The following MMP20 variants were observed in gnomAD, a reference collection of about 807,000 sequenced individuals.
MMP20 encodes matrix metallopeptidase 20.
MMP20 carries 50 observed loss-of-function variants against 51.8 expected under a neutral mutation model. That is an observed-to-expected ratio of 0.97 (90% CI 0.77 to 1.22). The LOEUF is 1.22. Ranked by LOEUF, MMP20 falls within the 50% of genes most tolerant of loss-of-function variation. The pLI is 0.00. For synonymous variants in MMP20, 244 were observed against 216.2 expected (o/e 1.13, Z -1.13); for missense variants, 663 against 601.4 (o/e 1.10, Z -1.07).
intron 8 of MMP20, among the ~76,000 whole-genome samples, chr11:102,581,749 T>G (rs1859198445): frequency 6.6e-6 from 1 of 152,138 alleles, no homozygotes; most frequent in Non-Finnish European, 1.5e-5. Flanking sequence ...AAATACCTAC[T>G]TCTCAAGATT....
chr11:102,587,105 G>C (rs1859263533), intron 8 of MMP20, among the ~76,000 whole-genome samples: 1 of 151,766 alleles, frequency 6.6e-6, no homozygotes, highest in Non-Finnish European at 1.5e-5. Flanking sequence ...TTTTTTCTCT[G>C]AGTGCTGCTT....
At chr11:102,587,850 T>A (rs1237956335) in intron 8 of MMP20, among the ~76,000 whole-genome samples, 1 of 152,184 alleles carries the variant, frequency 6.6e-6, no homozygotes, top group Non-Finnish European at 1.5e-5. Flanking sequence ...CTAAAATGTA[T>A]CTGCTGTAGA....
chr11:102,621,334 C>T (rs1175712047), intron 1 of MMP20, among the ~76,000 whole-genome samples: 2 of 152,252 alleles, frequency 1.3e-5, no homozygotes, highest in Non-Finnish European at 2.9e-5. Context: ...GGCTGCAGCA[C>T]AGCCATGTTC....
chr11:102,612,566 C>G (rs935825808), intron 2 of MMP20, among the ~76,000 whole-genome samples: 1 of 152,056 alleles, frequency 6.6e-6, no homozygotes, highest in African/African-American at 2.4e-5. Flanking sequence ...GAGAGGACCT[C>G]TTTTTCCCCA....
chr11:102,584,026 A>G (rs999430451), intron 8 of MMP20, among the ~76,000 whole-genome samples: 6 of 152,186 alleles, frequency 3.9e-5, no homozygotes, highest in Admixed American at 3.9e-4. Flanking sequence ...TATCCATTCA[A>G]CACTTGATGG....
chr11:102,588,966 C>G (rs1859283586), intron 8 of MMP20, among the ~76,000 whole-genome samples: 1 of 152,214 alleles, frequency 6.6e-6, no homozygotes, highest in South Asian at 2.1e-4. Flanking sequence ...CCCTCTAATT[C>G]AGTCACATTG....
intron 1 of MMP20, among the ~76,000 whole-genome samples, chr11:102,620,574 G>C (rs1442471832): frequency 6.6e-6 from 1 of 152,178 alleles, no homozygotes; most frequent in Non-Finnish European, 1.5e-5. Context: ...GTATCTGACA[G>C]ATAAAAGTAC....
chr11:102,614,304 G>A (rs1287356632), intron 2 of MMP20, among the ~76,000 whole-genome samples: 1 of 152,176 alleles, frequency 6.6e-6, no homozygotes, highest in East Asian at 1.9e-4. Flanking sequence ...AGCTACACAG[G>A]CAGAGTACTG....
At chr11:102,591,052 T>C (rs1035298301) in intron 8 of MMP20, among the ~76,000 whole-genome samples, 1 of 152,238 alleles carries the variant, frequency 6.6e-6, no homozygotes, top group Non-Finnish European at 1.5e-5. Flanking sequence ...GGGTCTCTGA[T>C]ACTAGTGGCT....
chr11:102,610,760 T>G (rs1274650327), intron 3 of MMP20, among the ~76,000 whole-genome samples: 1 of 145,646 alleles, frequency 6.9e-6, no homozygotes, highest in African/African-American at 2.5e-5. Flanking sequence ...TTTTAGTTTG[T>G]TTTTTTTTTT....
chr11:102,619,226 T>C (rs1859716377), intron 1 of MMP20, among the ~76,000 whole-genome samples: 1 of 152,166 alleles, frequency 6.6e-6, no homozygotes, highest in Non-Finnish European at 1.5e-5. Flanking sequence ...AATGTCTGAA[T>C]TATACTCCTC....
chr11:102,611,902 T>C lies in MMP20; in HGVS notation c.376A>G (p.Ile126Val), dbSNP rs1055105926. Reference protein sequence around the residue: ...KWKKNTLTYRISKYTPSMSSV... With the variant: ...KWKKNTLTYRVSKYTPSMSSV... ...CTCATGGAAGGTGTGTATTTAGATA[T>C]TCTGTGAAAACGGAAGGAACATGTT... The change falls in exon 3 of 10, where the codon ATA (isoleucine) becomes GTA (valine). Residue 126 changes from isoleucine to valine, a missense_variant and splice_region_variant. By Grantham distance (29) the Ile-to-Val change is conservative. Transcript: ENST00000260228. 1 of 1,614,122 alleles carries C rather than the reference T, an allele frequency of 6.2e-7. No homozygotes were observed. The highest frequency in any genetic ancestry group is 2.2e-5 in the East Asian group (1 of 44,900).
At chr11:102,604,022 T>G (rs1591616850) in intron 6 of MMP20, among the ~76,000 whole-genome samples, 1 of 36,266 alleles carries the variant, frequency 2.8e-5, no homozygotes. Context: ...ACAGAGGTGT[T>G]TTTTTTTTTT....
chr11:102,609,831 A>C, intron 4 of MMP20, 74 bp downstream of exon 4: 1 of 1,606,054 alleles, frequency 6.2e-7, no homozygotes, highest in African/African-American at 1.3e-5. Context: ...GGGACGTTGA[A>C]CCTCAAGGTT....
chr11:102,624,392 G>A (rs1486972164), intron 1 of MMP20, among the ~76,000 whole-genome samples: 3 of 133,976 alleles, frequency 2.2e-5, no homozygotes, highest in African/African-American at 5.7e-5. Context: ...AACAAAACAC[G>A]CTTGGAAGCA....
At chr11:102,592,929 T>G (rs1711441) in intron 8 of MMP20, among the ~76,000 whole-genome samples, 77,378 of 152,132 alleles carry the variant, frequency 0.51, 20,285 homozygotes, top group South Asian at 0.67. Context: ...AAATTATATG[T>G]TTTCCTTTGG....
chr11:102,595,578 T>C (rs752196016), intron 6 of MMP20, among the ~76,000 whole-genome samples: 7 of 152,328 alleles, frequency 4.6e-5, no homozygotes, highest in Admixed American at 2.6e-4. Flanking sequence ...CCTGTAAAAA[T>C]AGCGAAAACA....
chr11:102,611,218 GAGA>G (rs1565398254), intron 3 of MMP20, among the ~76,000 whole-genome samples: 1 of 152,198 alleles, frequency 6.6e-6, no homozygotes, highest in African/African-American at 2.4e-5. Flanking sequence ...CAATGGAATG[GAGA>G]AGAAGTGGGA....
intron 8 of MMP20, among the ~76,000 whole-genome samples, chr11:102,591,892 C>T (rs1355745903): frequency 1.3e-5 from 2 of 152,174 alleles, no homozygotes; most frequent in African/African-American, 4.8e-5. Flanking sequence ...ATATGCTTTA[C>T]TGCAGGTGCT....
Sources: allele counts gnomAD v4.1 joint callset (sites outside exome capture counted in the v4.1 genomes callset), GRCh38; gene constraint gnomAD v4.1.1; transcripts MANE v1.5; gene names NCBI Gene and HGNC (gene_info 2026-07-23, HGNC 2026-07-21).